The following DNAH11 variants were observed in gnomAD, a reference collection of about 807,000 sequenced individuals.
DNAH11 encodes dynein axonemal heavy chain 11.
Under a neutral mutation model 526.0 loss-of-function variants are expected in DNAH11, and 442 were observed. That is an observed-to-expected ratio of 0.84 (90% CI 0.78 to 0.91). The LOEUF is 0.91. Among genes scored for constraint, DNAH11 ranks in the 40% least tolerant of loss-of-function variants. The pLI is 0.00. For missense variants in DNAH11, 6,989 were observed against 5,448.7 expected, an observed-to-expected ratio of 1.28 and a Z score of -8.90; for synonymous variants, 2,461 against 1,935.9, an observed-to-expected ratio of 1.27 and a Z score of -7.12.
intron 43 of DNAH11, among the ~76,000 whole-genome samples, 188 bp downstream of exon 43, chr7:21,718,113 A>C (rs73682680): frequency 0.01 from 1,443 of 140,120 alleles, 29 homozygotes; most frequent in African/African-American, 0.038. Context: ...CCTCTATCAC[A>C]TTCTGTTAGT....
intron 14 of DNAH11, among the ~76,000 whole-genome samples, chr7:21,593,130 G>A (rs75822626): frequency 0.041 from 6,233 of 152,244 alleles, 422 homozygotes; most frequent in African/African-American, 0.14. Context: ...AGGTCAGGGA[G>A]AAGAGGAAAA....
chr7:21,616,234 C>T lies in DNAH11; in HGVS notation c.4037C>T (p.Thr1346Ile), dbSNP rs367884384. The T allele has an allele frequency of 1.2e-5, 20 of 1,613,430 alleles. No homozygotes were observed. The highest frequency in any genetic ancestry group is 1.7e-5 in the Non-Finnish European group (20 of 1,179,670). ...AGAAGCATTGATAATTGGACTAAAA[C>T]CCAGTGGAGACAGATTCATGTGGAA... ...VRRSIDNWTK[T>I]QWRQIHVEQM... Residue 1346 changes from threonine (T) to isoleucine (I), a missense_variant, in exon 22 of 82, where the codon ACC becomes ATC. Physicochemically the swap from Thr to Ile is moderately conservative, Grantham distance 89. Transcript: ENST00000409508.
In DNAH11 at chr7:21,850,639, A is replaced by G. The variant is rs541944198; in HGVS notation, c.10897-1828A>G. 2.9e-3 allele frequency among the ~76,000 whole-genome samples: 323 copies of G among 109,782 alleles called. 1 individual carries two copies. Among genetic ancestry groups the G allele is most frequent in the African/African-American group, 0.011 (315 of 28,044 alleles). The allele number at this position is 109,782 out of a possible 152,430, so 72.0% of individuals were successfully genotyped here. A position where few individuals can be genotyped will look rare whatever the true frequency, so the allele number is the denominator to read the frequency against. ...TTTTTTTTTTTTTTTTTTGCCTCTA[A>G]GTATACCTTGTACTTATTTGTTGAA... is the stretch of plus-strand genomic sequence containing the variant. On this transcript the variant is annotated intron_variant, in intron 66 of 81. Transcript: ENST00000409508.
chr7:21,779,082 T>C lies in DNAH11; in HGVS notation c.9461T>C (p.Ile3154Thr). 6.2e-7 allele frequency: 1 copy of C among 1,613,028 alleles called. No individual in the cohort carries two copies. Among genetic ancestry groups the C allele is most frequent in the Non-Finnish European group, 8.5e-7 (1 of 1,179,256 alleles). Reference sequence around the variant, plus strand: ...GAGAAAGTGAGCCGGGAAAAGACCATCGCTGATGCTGAGGAGCGAAAGGTC... The same window carrying C: ...GAGAAAGTGAGCCGGGAAAAGACCACCGCTGATGCTGAGGAGCGAAAGGTC... Reference protein sequence around the residue: ...QTEKVSREKTIADAEERKVTA... With the variant: ...QTEKVSREKTTADAEERKVTA... Residue 3154 changes from isoleucine (I) to threonine (T), a missense_variant, in exon 57 of 82, where the codon ATC becomes ACC. Coordinates refer to ENST00000409508, the MANE Select transcript of DNAH11 (RefSeq NM_001277115.2).
intron 45 of DNAH11, among the ~76,000 whole-genome samples, chr7:21,733,836 C>A (rs1785491814): frequency 6.6e-6 from 1 of 151,958 alleles, no homozygotes; most frequent in Non-Finnish European, 1.5e-5. Context: ...TGTCGCTAGC[C>A]TTTTTTATAT....
At chr7:21,830,190 C>G (rs1015135523) in intron 65 of DNAH11, among the ~76,000 whole-genome samples, 1 of 152,136 alleles carries the variant, frequency 6.6e-6, no homozygotes, top group South Asian at 2.1e-4. Context: ...AACTAGCAAA[C>G]ATTTTGGCAC....
intron 45 of DNAH11, among the ~76,000 whole-genome samples, chr7:21,728,166 C>T (rs1276818167): frequency 2.7e-5 from 4 of 150,708 alleles, no homozygotes; most frequent in East Asian, 3.9e-4. Context: ...AACAATGTGC[C>T]GCCTTGACCC....
chr7:21,584,539 G>A (rs750645378), intron 9 of DNAH11, among the ~76,000 whole-genome samples: 14 of 152,114 alleles, frequency 9.2e-5, no homozygotes, highest in South Asian at 2.1e-4. Flanking sequence ...TAACAAACCT[G>A]CACATTGTGT....
chr7:21,884,034 C>A (rs927209573), intron 75 of DNAH11, among the ~76,000 whole-genome samples: 5 of 148,650 alleles, frequency 3.4e-5, no homozygotes, highest in African/African-American at 9.9e-5. Flanking sequence ...CAAAGCCAGA[C>A]CTCATCTCTT....
At chr7:21,664,383 T>C (rs1041327976) in intron 30 of DNAH11, among the ~76,000 whole-genome samples, 1 of 152,032 alleles carries the variant, frequency 6.6e-6, no homozygotes, top group East Asian at 1.9e-4. Flanking sequence ...ATTGAGCAAA[T>C]GTCTCTACAG....
At position 21,601,111 on chromosome 7, in the gene DNAH11, C is replaced by T. The variant is rs1379642728; in HGVS notation, c.3357C>T (p.Ser1119=). ...FKVDMKPFKV[S]LLTIIKKWSW... is the part of the protein sequence containing the mutation. Reference sequence around the variant, plus strand: ...TGGACATGAAGCCTTTCAAAGTGAGCTTGTTAACCATAATTAAGAAATGGA... The same window carrying T: ...TGGACATGAAGCCTTTCAAAGTGAGTTTGTTAACCATAATTAAGAAATGGA... Residue 1119 remains serine (S), a synonymous_variant, in exon 17 of 82, where the codon AGC becomes AGT. Coordinates refer to ENST00000409508, the MANE Select transcript of DNAH11 (RefSeq NM_001277115.2). The T allele has an allele frequency of 5.6e-6, 9 of 1,610,388 alleles. No homozygotes were observed. The highest frequency in any genetic ancestry group is 1.1e-5 in the South Asian group (1 of 89,506).
In DNAH11 at chr7:21,619,942, T is replaced by TAG. The variant is rs542251563; in HGVS notation, c.4378-14_4378-13insAG. 9 of 1,584,510 alleles carry TAG rather than the reference T, an allele frequency of 5.7e-6. No individual in the cohort carries two copies. In the East Asian group the frequency reaches 2.1e-4, roughly 36 times the overall value. On this transcript the variant is annotated splice_polypyrimidine_tract_variant and intron_variant, in intron 24 of 81. Coordinates refer to ENST00000409508, the MANE Select transcript of DNAH11 (RefSeq NM_001277115.2). ...TTAAATTTTGTGCACATTAATTATATTGTTGATTACTAGGTTATTACTGAA... is the reference window on the plus strand; with the variant it reads ...TTAAATTTTGTGCACATTAATTATATAGTGTTGATTACTAGGTTATTACTGAA...
At chr7:21,765,302 T>C (rs935886878) in intron 54 of DNAH11, 126 bp from the exon 55 acceptor site, 1 of 1,388,392 alleles carries the variant, frequency 7.2e-7, no homozygotes, top group East Asian at 2.3e-5. Flanking sequence ...GTCCACTCTC[T>C]AGGGCTTTAG....
intron 61 of DNAH11, among the ~76,000 whole-genome samples, chr7:21,796,766 A>G (rs1212343953): frequency 6.6e-6 from 1 of 152,226 alleles, no homozygotes; most frequent in African/African-American, 2.4e-5. Context: ...TGGACTCTCT[A>G]ATTTCCTCAC....
intron 57 of DNAH11, among the ~76,000 whole-genome samples, chr7:21,782,043 C>G (rs1787966986): frequency 1.3e-5 from 2 of 152,184 alleles, no homozygotes; most frequent in Admixed American, 6.5e-5. Flanking sequence ...GGCCCTGTCT[C>G]CAGATACAGT....
chr7:21,865,990 C>T (rs527567687), intron 70 of DNAH11, among the ~76,000 whole-genome samples: 2 of 152,288 alleles, frequency 1.3e-5, no homozygotes, highest in Admixed American at 6.5e-5. Context: ...TCATCACCAT[C>T]GTGGTTTTGT....
chr7:21,797,594 G>C (rs905427047), intron 61 of DNAH11, among the ~76,000 whole-genome samples: 24 of 152,172 alleles, frequency 1.6e-4, no homozygotes, highest in Admixed American at 1.0e-3. Context: ...TGAGACACTA[G>C]TGCTCCTTTC....
intron 25 of DNAH11, among the ~76,000 whole-genome samples, chr7:21,631,403 A>C (rs1786601625): frequency 6.6e-6 from 1 of 152,198 alleles, no homozygotes; most frequent in African/African-American, 2.4e-5. Flanking sequence ...TTTCAGCATT[A>C]ACTCAAGAGT....
At chr7:21,638,692 GT>G (rs1402878204) in intron 27 of DNAH11, among the ~76,000 whole-genome samples, 172 of 1,416 alleles carry the variant, frequency 0.12, no homozygotes, top group Admixed American at 0.21. Context: ...AGCTAATGGG[GT>G]GTGTGTGTGT....
Sources: allele counts gnomAD v4.1 joint callset (sites outside exome capture counted in the v4.1 genomes callset), GRCh38; gene constraint gnomAD v4.1.1; transcripts MANE v1.5; gene names NCBI Gene and HGNC (gene_info 2026-07-23, HGNC 2026-07-21).